Variants in POR observed in about 807,000 individuals in gnomAD.
POR encodes cytochrome p450 oxidoreductase.
POR carries 56 observed loss-of-function variants against 84.0 expected under a neutral mutation model. The observed-to-expected ratio is 0.67, with a 90% CI of 0.54 to 0.83. POR has a LOEUF of 0.83. POR is among the 40% of genes least tolerant of loss of function. POR has a pLI of 0.00. For synonymous variants in POR, 414 were observed against 400.5 expected (o/e 1.03, Z -0.40); for missense variants, 938 against 944.3 (o/e 0.99, Z 0.09).
At chr7:75,932,578 A>G (rs1807473717) in intron 1 of POR, among the ~76,000 whole-genome samples, 1 of 148,988 alleles carries the variant, frequency 6.7e-6, no homozygotes, top group South Asian at 2.1e-4. Flanking sequence ...AAACAGTTTT[A>G]ATTTTTTTTT....
chr7:75,952,309 G>T (rs1309232786), intron 1 of POR, among the ~76,000 whole-genome samples: 1 of 138,156 alleles, frequency 7.2e-6, no homozygotes, highest in Non-Finnish European at 1.6e-5. Flanking sequence ...CCTCCCTCCC[G>T]GATGGGGCGG....
intron 2 of POR, among the ~76,000 whole-genome samples, chr7:75,954,656 C>G (rs556045621): frequency 3.0e-4 from 46 of 152,000 alleles, no homozygotes; most frequent in Non-Finnish European, 6.2e-4. Context: ...CTTCCCACCT[C>G]AGCCTCCCGA....
At position 75,927,060 on chromosome 7, in the gene POR, G is replaced by T. The variant is rs76996382; in HGVS notation, c.-5+11881G>T. 2.8e-3 allele frequency among the ~76,000 whole-genome samples: 431 copies of T among 152,324 alleles called. 2 individuals carry two copies. Among genetic ancestry groups the T allele is most frequent in the African/African-American group, 9.7e-3 (404 of 41,576 alleles). On this transcript the variant is annotated intron_variant, in intron 1 of 15. Coordinates refer to ENST00000461988, the MANE Select transcript of POR (RefSeq NM_000941.3). ...AAAGGTCTTGAAGGGCAGACAGATG[G>T]TTGATAGAATAGCTCTGGAGACAGT...
At position 75,986,581 on chromosome 7, in the gene POR, T is replaced by C. The variant is rs1789490015; in HGVS notation, c.*100T>C. On this transcript the variant is annotated 3_prime_UTR_variant, in exon 16 of 16. Transcript: ENST00000461988. Reference sequence around the variant, plus strand: ...GGGTGTGTTTGGCTTGGCCTTGGCATGGGCGCAGGCCCAGTGACAAAGACT... The same window carrying C: ...GGGTGTGTTTGGCTTGGCCTTGGCACGGGCGCAGGCCCAGTGACAAAGACT... The C allele has an allele frequency of 2.1e-6, 3 of 1,438,544 alleles. No homozygotes were observed. Among genetic ancestry groups the C allele is most frequent in the Admixed American group, 2.0e-5 (1 of 49,434 alleles). 89.1% of individuals were successfully genotyped at this position (1,438,544 alleles called of 1,614,324 possible). A position where few individuals can be genotyped will look rare whatever the true frequency, so the allele number is the denominator to read the frequency against.
At position 75,954,161 on chromosome 7, in the gene POR, T is replaced by C. The variant is rs782711779; in HGVS notation, c.169T>C (p.Phe57Leu). The C allele has an allele frequency of 1.1e-5, 18 of 1,610,242 alleles. No homozygotes were observed. In the East Asian group the frequency reaches 4.0e-4, roughly 36 times the overall value. ...AAAGAAAAAAGAAGAAGTCCCCGAGTTCACCAAAATTCAGACATTGTAAGT... is the reference window on the plus strand; with the variant it reads ...AAAGAAAAAAGAAGAAGTCCCCGAGCTCACCAAAATTCAGACATTGTAAGT... The change falls in exon 2 of 16, where the codon TTC becomes CTC. Residue 57 changes from phenylalanine to leucine, a missense_variant. Phe to Leu is a conservative substitution (Grantham distance 22, BLOSUM62 0). Transcript: ENST00000461988.
At chr7:75,919,965 G>A (rs958751085) in intron 1 of POR, among the ~76,000 whole-genome samples, 1 of 151,406 alleles carries the variant, frequency 6.6e-6, no homozygotes, top group African/African-American at 2.4e-5. Flanking sequence ...ATAATTTCCC[G>A]AAATGCGTCA....
At chr7:75,956,949 C>A (rs1368328038) in intron 2 of POR, among the ~76,000 whole-genome samples, 1 of 152,216 alleles carries the variant, frequency 6.6e-6, no homozygotes, top group Non-Finnish European at 1.5e-5. Flanking sequence ...TGGTCTCAAA[C>A]TCCCGACCTC....
chr7:75,959,452 G>A (rs377043709), intron 2 of POR, among the ~76,000 whole-genome samples: 50 of 152,092 alleles, frequency 3.3e-4, no homozygotes, highest in African/African-American at 1.1e-3. Flanking sequence ...TTCTAGAATT[G>A]GCATTTATTT....
At chr7:75,963,669 G>A (rs1409465086) in intron 2 of POR, among the ~76,000 whole-genome samples, 1 of 152,204 alleles carries the variant, frequency 6.6e-6, no homozygotes, top group Non-Finnish European at 1.5e-5. Context: ...TTGGGGGTGT[G>A]TCAGGGATGA....
In POR at chr7:75,934,122, AGTGTGTGTGT is replaced by A. The variant is rs58236447; in HGVS notation, c.-5+18984_-5+18993del. ...TTTTTTTCCTGGTCCAAGACCTCAG[AGTGTGTGTGT>A]GTGTGTGTGTGTGTGTGTGTGTGTG... On this transcript the variant is annotated intron_variant, in intron 1 of 15. Transcript: ENST00000461988. Among the ~76,000 whole-genome samples the A allele has an allele frequency of 2.9e-3, 372 of 126,852 alleles. 2 individuals are homozygous for A. Among genetic ancestry groups the A allele is most frequent in the Middle Eastern group, 0.012 (3 of 250 alleles). 83.2% of individuals were successfully genotyped at this position (126,852 alleles called of 152,430 possible). A position where few individuals can be genotyped will look rare whatever the true frequency, so the allele number is the denominator to read the frequency against.
At chr7:75,965,609 C>T (rs530620935) in intron 2 of POR, among the ~76,000 whole-genome samples, 4 of 152,260 alleles carry the variant, frequency 2.6e-5, no homozygotes, top group Admixed American at 1.3e-4. Context: ...TTTCTGTCAC[C>T]GATGGGCTGA....
chr7:75,985,531 G>T, intron 12 of POR, 48 bp from the exon 13 acceptor site: 1 of 1,478,114 alleles, frequency 6.8e-7, no homozygotes, highest in Non-Finnish European at 9.0e-7. Context: ...GCCGGGGCTG[G>T]GCAAGGGCCT....
chr7:75,960,939 G>A (rs2116464146), intron 2 of POR, among the ~76,000 whole-genome samples: 1 of 152,220 alleles, frequency 6.6e-6, no homozygotes, highest in South Asian at 2.1e-4. Flanking sequence ...ATTAAAAAGT[G>A]TGGCAGTATC....
chr7:75,984,336 G>A (rs1055313302), intron 10 of POR, among the ~76,000 whole-genome samples: 3 of 152,132 alleles, frequency 2.0e-5, no homozygotes, highest in South Asian at 2.1e-4. Context: ...TGAGCCTCCC[G>A]CTGTGAAGCC....
intron 1 of POR, chr7:75,946,997 G>A (rs1371429196): frequency 2.6e-5 from 4 of 152,210 alleles, no homozygotes; most frequent in Non-Finnish European, 4.4e-5. Context: ...CAATGCGGCG[G>A]ACGCTCAAGT....
At chr7:75,932,853 A>C (rs574854305) in intron 1 of POR, among the ~76,000 whole-genome samples, 1 of 152,120 alleles carries the variant, frequency 6.6e-6, no homozygotes, top group Non-Finnish European at 1.5e-5. Flanking sequence ...CCCCATCTCT[A>C]CTACAAATAC....
intron 4 of POR, 131 bp downstream of exon 4, chr7:75,979,710 C>A: frequency 1.5e-6 from 2 of 1,331,874 alleles, no homozygotes; most frequent in South Asian, 1.4e-5. Context: ...CGGAAGTTGC[C>A]TTCCCGTGAG....
At chr7:75,968,280 C>T in intron 2 of POR, 1 of 468,144 alleles carries the variant, frequency 2.1e-6, no homozygotes, top group Non-Finnish European at 4.4e-6. Flanking sequence ...ACAGCAAGGT[C>T]AGCCATTCCC....
In POR at chr7:75,980,663, T is replaced by TC. The variant is rs1554557641; in HGVS notation, c.516+179dup. On this transcript the variant is annotated intron_variant, in intron 5 of 15. Coordinates refer to ENST00000461988, the MANE Select transcript of POR (RefSeq NM_000941.3). The stretch of plus-strand genomic sequence containing the variant: ...CCCAGACCCCAGCACTACGAGAATG[T>TC]CCCCTCCCTGTCCCCAGCCCCAGTC... The TC allele has an allele frequency of 7.1e-6, 11 of 1,540,054 alleles. No homozygotes were observed. In the Admixed American group the frequency reaches 2.2e-4, roughly 30 times the overall value.
Sources: allele counts gnomAD v4.1 joint callset (sites outside exome capture counted in the v4.1 genomes callset), GRCh38; gene constraint gnomAD v4.1.1; transcripts MANE v1.5; gene names NCBI Gene and HGNC (gene_info 2026-07-23, HGNC 2026-07-21).